The following RAB3GAP2 variants were observed in gnomAD, a reference collection of about 807,000 sequenced individuals.
RAB3GAP2 encodes the protein RAB3 GTPase activating non-catalytic protein subunit 2.
RAB3GAP2 carries 87 observed loss-of-function variants against 185.3 expected under a neutral mutation model. The ratio of observed to expected loss-of-function variants is 0.47; its 90% CI spans 0.39 to 0.56. The LOEUF is 0.56. Among genes scored for constraint, RAB3GAP2 ranks in the 20% least tolerant of loss-of-function variants. The pLI is 0.00. For synonymous variants in RAB3GAP2, 554 were observed against 576.1 expected (o/e 0.96, Z 0.55); for missense variants, 1,492 against 1,638.2 (o/e 0.91, Z 1.54).
intron 9 of RAB3GAP2, among the ~76,000 whole-genome samples, chr1:220,199,865 C>T (rs1658809719): frequency 1.3e-5 from 2 of 152,154 alleles, no homozygotes; most frequent in Non-Finnish European, 2.9e-5. Context: ...ACTGCCTCCA[C>T]CATAAAGCCA....
At chr1:220,270,349 C>T (rs1388392136) in intron 1 of RAB3GAP2, among the ~76,000 whole-genome samples, 1 of 152,250 alleles carries the variant, frequency 6.6e-6, no homozygotes, top group Non-Finnish European at 1.5e-5. Context: ...ACTGAACTGA[C>T]ACTTTTTGCT....
intron 13 of RAB3GAP2, 133 bp downstream of exon 13, chr1:220,193,107 A>G (rs763748446): frequency 1.1e-5 from 12 of 1,117,824 alleles, no homozygotes; most frequent in Non-Finnish European, 1.6e-5. Flanking sequence ...ATCTGAGTTC[A>G]TGTCAAAAAA....
chr1:220,151,191 A>G lies in RAB3GAP2; in HGVS notation c.*60T>C. 4.6e-6 allele frequency: 7 copies of G among 1,530,738 alleles called. No individual in the cohort carries two copies. The highest frequency in any genetic ancestry group is 3.5e-5 in the South Asian group (3 of 86,612). The allele number at this position is 1,530,738 out of a possible 1,614,324, so 94.8% of individuals were successfully genotyped here. The stretch of plus-strand genomic sequence containing the variant: ...AAAATTCCAGGTCTTACTATGTAAA[A>G]TAACCATGCACTACTTCATGTTATA... On this transcript the variant is annotated 3_prime_UTR_variant, in exon 35 of 35. Transcript: ENST00000358951.
intron 2 of RAB3GAP2, among the ~76,000 whole-genome samples, chr1:220,227,307 T>C (rs1659419658): frequency 6.6e-6 from 1 of 152,182 alleles, no homozygotes; most frequent in South Asian, 2.1e-4. Context: ...GCCATTATTA[T>C]AGCTAACACC....
intron 1 of RAB3GAP2, among the ~76,000 whole-genome samples, chr1:220,257,426 C>T (rs1660052641): frequency 6.6e-6 from 1 of 151,796 alleles, no homozygotes; most frequent in South Asian, 2.1e-4. Flanking sequence ...GAAATTCACT[C>T]AAAACCACAC....
chr1:220,169,433 G>A lies in RAB3GAP2; in HGVS notation c.2806+1459C>T, dbSNP rs114480388. 3.3e-3 allele frequency among the ~76,000 whole-genome samples: 501 copies of A among 152,302 alleles called. 2 individuals carry two copies. The highest frequency in any genetic ancestry group is 0.012 in the African/African-American group (483 of 41,550). On this transcript the variant is annotated intron_variant, in intron 24 of 34. Transcript: ENST00000358951. ...TCTGTGGATATTAGGAGGAAGAAGAGAAAATTTGCAGTTAGTGAATCATGA... is the reference window on the plus strand; with the variant it reads ...TCTGTGGATATTAGGAGGAAGAAGAAAAAATTTGCAGTTAGTGAATCATGA...
chr1:220,255,502 G>A (rs948169168), intron 1 of RAB3GAP2, among the ~76,000 whole-genome samples: 1 of 152,176 alleles, frequency 6.6e-6, no homozygotes, highest in Non-Finnish European at 1.5e-5. Flanking sequence ...GGAGCATGTT[G>A]TAACCCAATG....
chr1:220,181,540 G>C (rs1240210684), intron 21 of RAB3GAP2, among the ~76,000 whole-genome samples: 1 of 152,076 alleles, frequency 6.6e-6, no homozygotes, highest in East Asian at 1.9e-4. Flanking sequence ...TGTTATATTA[G>C]AGATTACATT....
At chr1:220,237,720 T>A (rs1486397944) in intron 1 of RAB3GAP2, among the ~76,000 whole-genome samples, 1 of 152,200 alleles carries the variant, frequency 6.6e-6, no homozygotes, top group African/African-American at 2.4e-5. Flanking sequence ...TGGTCTAATT[T>A]AATCCTAAAT....
chr1:220,213,715 G>T, intron 3 of RAB3GAP2, 141 bp downstream of exon 3: 1 of 753,782 alleles, frequency 1.3e-6, no homozygotes. Context: ...GAGGGAGGGA[G>T]GGGGCGGAGG....
At chr1:220,267,046 C>T (rs1660240316) in intron 1 of RAB3GAP2, 2 of 1,610,740 alleles carry the variant, frequency 1.2e-6, no homozygotes, top group Admixed American at 1.7e-5. Flanking sequence ...GTCCAGGGTG[C>T]CACAGAGAGT....
At chr1:220,210,275 A>G in intron 7 of RAB3GAP2, 113 bp downstream of exon 7, 1 of 817,682 alleles carries the variant, frequency 1.2e-6, no homozygotes, top group South Asian at 1.3e-5. Context: ...AGCAGAGCTA[A>G]CTAACTGTGC....
intron 1 of RAB3GAP2, chr1:220,266,536 G>A (rs1469793077): frequency 7.6e-6 from 5 of 660,324 alleles, no homozygotes; most frequent in Non-Finnish European, 1.4e-5. Flanking sequence ...TTATTGATGT[G>A]GAGCTTTCTG....
rs1049791385 is a variant in RAB3GAP2 at position 220,151,125 on chromosome 1, T to C, written c.*126A>G. The C allele has an allele frequency of 7.9e-6, 8 of 1,017,088 alleles. No homozygotes were observed. Among genetic ancestry groups the C allele is most frequent in the Admixed American group, 2.6e-5 (1 of 38,388 alleles). 63.0% of individuals were successfully genotyped at this position (1,017,088 alleles called of 1,614,324 possible). A position where few individuals can be genotyped will look rare whatever the true frequency, so the allele number is the denominator to read the frequency against. Reference sequence around the variant, plus strand: ...TTTTTAAAAGTTGTATATACTTTTATTTATTTTACAAAAGGAAAAAAAAAG... The same window carrying C: ...TTTTTAAAAGTTGTATATACTTTTACTTATTTTACAAAAGGAAAAAAAAAG... On this transcript the variant is annotated 3_prime_UTR_variant, in exon 35 of 35. Coordinates refer to ENST00000358951, the MANE Select transcript of RAB3GAP2 (RefSeq NM_012414.4).
intron 20 of RAB3GAP2, 47 bp from the exon 21 acceptor site, chr1:220,182,401 T>A: frequency 6.2e-7 from 1 of 1,610,414 alleles, no homozygotes; most frequent in Non-Finnish European, 8.5e-7. Flanking sequence ...TACTTACCAT[T>A]TGGACTAACA....
Position 220,157,619 on chromosome 1 carries a change from AC to A in RAB3GAP2, c.3337-132del, listed in dbSNP as rs1217171984. 5 of 1,081,912 alleles carry A rather than the reference AC, an allele frequency of 4.6e-6. No individual in the cohort carries two copies. The African/African-American group carries it at 8.0e-5, about 17-fold the overall frequency. 67.0% of individuals were successfully genotyped at this position (1,081,912 alleles called of 1,614,324 possible). On this transcript the variant is annotated intron_variant, in intron 30 of 34. Transcript: ENST00000358951. Reference sequence around the variant, plus strand: ...CTGTCCCAAATTGTAATAAAAAAACACAAAGTCTAATTTCAATAAGAATTTA... The same window carrying A: ...CTGTCCCAAATTGTAATAAAAAAACAAAAGTCTAATTTCAATAAGAATTTA...
chr1:220,189,921 C>T (rs977045576), intron 16 of RAB3GAP2, 143 bp downstream of exon 16: 2 of 1,047,598 alleles, frequency 1.9e-6, no homozygotes, highest in Non-Finnish European at 2.8e-6. Flanking sequence ...TTATAACACC[C>T]TCTAGATGGC....
chr1:220,254,952 CTTTT>C (rs59174009), intron 1 of RAB3GAP2, among the ~76,000 whole-genome samples: 1 of 131,518 alleles, frequency 7.6e-6, no homozygotes, highest in African/African-American at 2.7e-5. Context: ...TCCATTTGTG[CTTTT>C]TTTTTTTTTT....
chr1:220,178,237 G>A lies in RAB3GAP2; in HGVS notation c.2310+4020C>T, dbSNP rs551887262. Reference sequence around the variant, plus strand: ...GAAAAAGGGAAATAAAAGATTTCCCGAGACAAACGAAAGCTGAGGGAATTT... The same window carrying A: ...GAAAAAGGGAAATAAAAGATTTCCCAAGACAAACGAAAGCTGAGGGAATTT... On this transcript the variant is annotated intron_variant, in intron 21 of 34. Transcript: ENST00000358951. Among the ~76,000 whole-genome samples, 15 of 152,206 alleles carry A rather than the reference G, an allele frequency of 9.9e-5. No individual in the cohort carries two copies. The South Asian group carries it at 2.5e-3, about 25-fold the overall frequency.
Sources: allele counts gnomAD v4.1 joint callset (sites outside exome capture counted in the v4.1 genomes callset), GRCh38; gene constraint gnomAD v4.1.1; transcripts MANE v1.5; gene names NCBI Gene and HGNC (gene_info 2026-07-23, HGNC 2026-07-21).